Variants in COL28A1 observed in about 807,000 individuals in gnomAD.
COL28A1 encodes the protein collagen alpha-1(XXVIII) chain.
Under a neutral mutation model 150.2 loss-of-function variants are expected in COL28A1, and 161 were observed. That is an observed-to-expected ratio of 1.07 (90% CI 0.94 to 1.22). The LOEUF (loss-of-function observed/expected upper bound fraction) is 1.22. COL28A1 is among the 50% of genes most tolerant of loss of function. The pLI, the probability that COL28A1 is intolerant of heterozygous loss-of-function variation, is 0.00. For missense variants in COL28A1, 1,617 were observed against 1,388.3 expected (o/e 1.16, Z -2.62); for synonymous variants, 552 against 469.7 (o/e 1.18, Z -2.26).
At position 7,521,949 on chromosome 7, in the gene COL28A1, T is replaced by A. The variant is rs10486180; in HGVS notation, c.715A>T (p.Ile239Phe). The change falls in exon 5 of 35, where the codon ATT becomes TTT. Residue 239 changes from isoleucine to phenylalanine, a missense_variant. Ile to Phe is a conservative substitution (Grantham distance 21, BLOSUM62 0). Transcript: ENST00000399429. ...ILFEKKCERK[I>F]CECEKGDPGD... ...GGATCTCCCTTCTCACATTCACAAATCTTGCGTTCACACTGAATCAATAAT... is the reference window on the plus strand; with the variant it reads ...GGATCTCCCTTCTCACATTCACAAAACTTGCGTTCACACTGAATCAATAAT... The A allele has an allele frequency of 5.4e-6, 6 of 1,106,638 alleles. No individual in the cohort carries two copies. The East Asian group carries it at 9.4e-5, about 17-fold the overall frequency. The allele number at this position is 1,106,638 out of a possible 1,614,324, so 68.6% of individuals were successfully genotyped here. A position where few individuals can be genotyped will look rare whatever the true frequency, so the allele number is the denominator to read the frequency against.
Position 7,507,173 on chromosome 7 carries a change from A to C in COL28A1, c.928-12T>G. 1 of 1,112,168 alleles carries C rather than the reference A, an allele frequency of 9.0e-7. No individual in the cohort carries two copies. The highest frequency in any genetic ancestry group is 1.4e-6 in the Non-Finnish European group (1 of 726,326). The allele number at this position is 1,112,168 out of a possible 1,614,324, so 68.9% of individuals were successfully genotyped here. On this transcript the variant is annotated splice_polypyrimidine_tract_variant and intron_variant, in intron 9 of 34. Transcript: ENST00000399429. ...GGCCCTGGGGATCCCTGTGGAATAA[A>C]ATTGAAAATAAGTCTCTCTAAATAT...
At chr7:7,395,531 A>G (rs1210972579) in intron 27 of COL28A1, among the ~76,000 whole-genome samples, 2 of 152,244 alleles carry the variant, frequency 1.3e-5, no homozygotes, top group African/African-American at 4.8e-5. Context: ...TTTCTCCTCC[A>G]TTAAGATTTG....
rs187507966 is a variant in COL28A1, at chr7:7,483,439, G to A, written c.1164+5950C>T. On this transcript the variant is annotated intron_variant, in intron 13 of 34. Transcript: ENST00000399429. The stretch of plus-strand genomic sequence containing the variant: ...CAAGAATCTTGTCTGCTTGGCTTGG[G>A]CTCATAATGACTAAAAATTTCTACC... Among the ~76,000 whole-genome samples the A allele has an allele frequency of 2.6e-5, 4 of 152,186 alleles. No individual in the cohort carries two copies. The East Asian group carries it at 7.7e-4, about 29-fold the overall frequency.
At position 7,375,429 on chromosome 7, in the gene COL28A1, A is replaced by C. The variant is rs935226438; in HGVS notation, c.2359+32T>G. On this transcript the variant is annotated intron_variant, in intron 31 of 34. Transcript: ENST00000399429. The stretch of plus-strand genomic sequence containing the variant: ...CAGTACATAGTGGGGCTGATGCTTT[A>C]AAGTGATGTTTTTTCCTTGATCAAA... 3 of 1,561,184 alleles carry C rather than the reference A, an allele frequency of 1.9e-6. No homozygotes were observed. The African/African-American group carries it at 4.1e-5, about 21-fold the overall frequency.
intron 21 of COL28A1, among the ~76,000 whole-genome samples, chr7:7,439,518 C>G (rs1785599820): frequency 6.6e-6 from 1 of 152,054 alleles, no homozygotes; most frequent in African/African-American, 2.4e-5. Context: ...TGAAAAGTAT[C>G]ATGGAGAGTA....
chr7:7,379,086 T>C (rs185198243), intron 30 of COL28A1, among the ~76,000 whole-genome samples: 9 of 152,308 alleles, frequency 5.9e-5, no homozygotes, highest in East Asian at 5.8e-4. Flanking sequence ...GAGTGTGGCA[T>C]AGAGGAACAT....
chr7:7,395,602 G>C (rs1255786345), intron 27 of COL28A1, among the ~76,000 whole-genome samples: 1 of 152,124 alleles, frequency 6.6e-6, no homozygotes, highest in Admixed American at 6.6e-5. Flanking sequence ...GAAACTTCTG[G>C]CTAACCATCA....
At chr7:7,367,983 G>GC (rs1206349494) in intron 33 of COL28A1, among the ~76,000 whole-genome samples, 2 of 151,764 alleles carry the variant, frequency 1.3e-5, no homozygotes, top group African/African-American at 4.8e-5. Flanking sequence ...CCCTAGAAAT[G>GC]GCTTTTCAAT....
At chr7:7,412,851 G>T (rs972114177) in intron 27 of COL28A1, among the ~76,000 whole-genome samples, 1 of 152,046 alleles carries the variant, frequency 6.6e-6, no homozygotes, top group Non-Finnish European at 1.5e-5. Context: ...CCATTTTAAA[G>T]ATTAGTAAGC....
At chr7:7,402,037 G>A (rs940249363) in intron 27 of COL28A1, among the ~76,000 whole-genome samples, 1 of 152,178 alleles carries the variant, frequency 6.6e-6, no homozygotes, top group Non-Finnish European at 1.5e-5. Flanking sequence ...TGCTCATAAG[G>A]GAGGCTTTTT....
At chr7:7,372,544 T>TGG (rs1781292484) in intron 32 of COL28A1, among the ~76,000 whole-genome samples, 1 of 152,182 alleles carries the variant, frequency 6.6e-6, no homozygotes, top group African/African-American at 2.4e-5. Context: ...TTAATCCCAG[T>TGG]TACTTGCATT....
rs191967922 is a variant in COL28A1, at chr7:7,456,068, A to G, written c.1347T>C (p.Pro449=). The part of the protein sequence containing the change: ...PVGPQGPMGI[P]GIGSQGEQGI... ...CCTGTTCCCCTTGACTCCCGATTCC[A>G]GGGATACCCATTGGTCCTTGGGGTC... The change falls in exon 16 of 35, where the codon CCT becomes CCC. Residue 449 remains proline, a synonymous_variant. Coordinates refer to ENST00000399429, the MANE Select transcript of COL28A1 (RefSeq NM_001037763.3). 1.2e-4 allele frequency: 201 copies of G among 1,613,918 alleles called. No individual in the cohort carries two copies. In the Middle Eastern group the frequency reaches 1.5e-3, roughly 12 times the overall value.
chr7:7,462,154 G>A (rs934105904), intron 15 of COL28A1, among the ~76,000 whole-genome samples: 44 of 152,140 alleles, frequency 2.9e-4, no homozygotes, highest in Non-Finnish European at 5.3e-4. Flanking sequence ...TAGCTGTCAG[G>A]AAGCCACATC....
intron 25 of COL28A1, among the ~76,000 whole-genome samples, chr7:7,425,787 T>C (rs1250636625): frequency 6.6e-6 from 1 of 152,206 alleles, no homozygotes; most frequent in African/African-American, 2.4e-5. Context: ...CAGATAAGAA[T>C]GCTAAGCCTC....
At chr7:7,370,929 A>G (rs768378050) in intron 32 of COL28A1, 47 bp from the exon 33 acceptor site, 2 of 1,323,662 alleles carry the variant, frequency 1.5e-6, no homozygotes. Flanking sequence ...GCAATGAAAC[A>G]ATACTTAAAA....
chr7:7,370,962 C>T, intron 32 of COL28A1, 80 bp from the exon 33 acceptor site: 3 of 933,408 alleles, frequency 3.2e-6, no homozygotes, highest in Non-Finnish European at 4.8e-6. Flanking sequence ...GATCTGCACT[C>T]TCCTTAAAAT....
At chr7:7,460,429 T>G (rs1216810650) in intron 15 of COL28A1, among the ~76,000 whole-genome samples, 1 of 152,138 alleles carries the variant, frequency 6.6e-6, no homozygotes, top group African/African-American at 2.4e-5. Context: ...TCACCCAGGC[T>G]GGAGTGCAGT....
chr7:7,471,954 T>C (rs1335603794), intron 15 of COL28A1, among the ~76,000 whole-genome samples: 2 of 152,122 alleles, frequency 1.3e-5, no homozygotes, highest in African/African-American at 4.8e-5. Context: ...AGAAAGAGCA[T>C]TTGACAAAAT....
downstream of COL28A1, among the ~76,000 whole-genome samples, chr7:7,357,433 G>A (rs1780393595): frequency 6.6e-6 from 1 of 152,144 alleles, no homozygotes; most frequent in South Asian, 2.1e-4. Flanking sequence ...GGCCAAGGCA[G>A]GTGGATCACG....
Sources: gnomAD v4.1 joint callset for allele counts (sites outside exome capture counted in the v4.1 genomes callset) on GRCh38, gnomAD v4.1.1 for gene constraint, MANE v1.5 for transcripts, NCBI Gene and HGNC (gene_info 2026-07-23, HGNC 2026-07-21) for gene names.